The following FAT2 variants were observed in gnomAD, a reference collection of about 807,000 sequenced individuals.
FAT2 encodes the protein FAT atypical cadherin 2.
FAT2 carries 150 observed loss-of-function variants against 295.3 expected under a neutral mutation model. The observed-to-expected ratio is 0.51, with a 90% CI of 0.44 to 0.58. The LOEUF is 0.58. FAT2 is among the 20% of genes least tolerant of loss of function. FAT2 has a pLI of 0.00. For synonymous variants in FAT2, 2,026 were observed against 2,150.3 expected (o/e 0.94, Z 1.60); for missense variants, 4,868 against 5,442.7 (o/e 0.89, Z 3.32).
At chr5:151,562,619 G>T (rs553788371) in intron 3 of FAT2, among the ~76,000 whole-genome samples, 1 of 152,172 alleles carries the variant, frequency 6.6e-6, no homozygotes, top group Non-Finnish European at 1.5e-5. Flanking sequence ...AATGTGGCCA[G>T]ATCCTTCCAT....
rs1756235640 is a variant in FAT2 at position 151,542,366 on chromosome 5, G to A, written c.8761C>T (p.Pro2921Ser). ...TTTAGAGTCGCCACCAGTTCGCCAG[G>A]CTCACTGTTCTCAACCACAGATCCT... ...YRGSVVENSE[P>S]GELVATLKTL... Residue 2921 changes from proline to serine, a missense_variant, in exon 10 of 24, where the codon CCT becomes TCT. Pro to Ser is a moderately conservative substitution (Grantham distance 74, BLOSUM62 -1). Coordinates refer to ENST00000261800, the MANE Select transcript of FAT2 (RefSeq NM_001447.3). 2 of 1,614,002 alleles carry A rather than the reference G, an allele frequency of 1.2e-6. No homozygotes were observed. Among genetic ancestry groups the A allele is most frequent in the Admixed American group, 1.7e-5 (1 of 60,008 alleles).
intron 1 of FAT2, among the ~76,000 whole-genome samples, chr5:151,581,943 G>GGCCCA (rs1242618013): frequency 6.6e-6 from 1 of 152,124 alleles, no homozygotes; most frequent in Non-Finnish European, 1.5e-5. Context: ...CCTCTAGCCT[G>GGCCCA]GCCCAGCCCA....
Position 151,512,245 on chromosome 5 carries a change from G to A in FAT2, c.11825C>T (p.Thr3942Ile). 1.2e-6 allele frequency: 2 copies of A among 1,614,206 alleles called. No homozygotes were observed. Among genetic ancestry groups the A allele is most frequent in the Non-Finnish European group, 1.7e-6 (2 of 1,180,044 alleles). The change falls in exon 21 of 24, where the codon ACC becomes ATC. Residue 3942 changes from threonine (T) to isoleucine (I), a missense_variant. Transcript: ENST00000261800. This position sits in a 1 kb window ranked among gnomAD's most constrained non-coding sequence, Gnocchi z 4.1. ...VAGLLETQAL[T>I]QCCLHSDYCS... Reference sequence around the variant, plus strand: ...GTAGTCACTGTGGAGGCAGCACTGGGTGAGGGCTTGTGTCTCCAGCAAGCC... The same window carrying A: ...GTAGTCACTGTGGAGGCAGCACTGGATGAGGGCTTGTGTCTCCAGCAAGCC...
chr5:151,527,579 G>T (rs1471312246), intron 16 of FAT2, among the ~76,000 whole-genome samples: 1 of 152,074 alleles, frequency 6.6e-6, no homozygotes. Flanking sequence ...ATCATTTGCT[G>T]GCAATGAGAC....
chr5:151,538,122 G>A (rs953117447), intron 11 of FAT2, among the ~76,000 whole-genome samples, 176 bp from the exon 12 acceptor site: 3 of 152,104 alleles, frequency 2.0e-5, no homozygotes, highest in Non-Finnish European at 2.9e-5. Context: ...AGCAGAGAGA[G>A]GGAGGGAGGG....
intron 3 of FAT2, among the ~76,000 whole-genome samples, chr5:151,560,540 C>T (rs1757973391): frequency 6.6e-6 from 1 of 152,228 alleles, no homozygotes; most frequent in African/African-American, 2.4e-5. Flanking sequence ...CCCTCCAGCT[C>T]AGCATAACCA....
chr5:151,544,134 C>T lies in FAT2; in HGVS notation c.6993G>A (p.Met2331Ile), dbSNP rs769140992. The change falls in exon 10 of 24, where the codon ATG becomes ATA. Residue 2331 changes from methionine to isoleucine, a missense_variant. Met to Ile is a conservative substitution (Grantham distance 10). Transcript: ENST00000261800. ...FFQINGSTGEMSTVQELDYEA... is the reference protein window; with the variant it reads ...FFQINGSTGEISTVQELDYEA... ...CATAATCCAGTTCTTGAACTGTGGA[C>T]ATCTCCCCTGTGCTCCCATTGATCT... The T allele has an allele frequency of 2.3e-5, 37 of 1,614,216 alleles. No homozygotes were observed. The highest frequency in any genetic ancestry group is 2.9e-5 in the Non-Finnish European group (34 of 1,180,040).
Position 151,567,064 on chromosome 5 carries a change from C to T in FAT2, c.1868G>A (p.Arg623His), listed in dbSNP as rs1758306727. The T allele has an allele frequency of 1.9e-6, 3 of 1,613,828 alleles. No homozygotes were observed. Among genetic ancestry groups the T allele is most frequent in the Non-Finnish European group, 2.5e-6 (3 of 1,179,872 alleles). The change falls in exon 2 of 24, where the codon CGC becomes CAC. Residue 623 changes from arginine (R) to histidine (H), a missense_variant. Transcript: ENST00000261800. Reference protein sequence around the residue: ...NHFSGVISLKRPFINLTAGQP... With the variant: ...NHFSGVISLKHPFINLTAGQP... ...ACCAGCAGTAAGATTGATAAAAGGG[C>T]GTTTGAGGGATATCACTCCGGAGAA... is the stretch of plus-strand genomic sequence containing the variant.
intron 20 of FAT2, among the ~76,000 whole-genome samples, 166 bp downstream of exon 20, chr5:151,517,454 C>G (rs866482150): frequency 3.3e-5 from 5 of 152,178 alleles, no homozygotes; most frequent in African/African-American, 1.2e-4. Context: ...CTGTGGCCAT[C>G]CAGGACAGGA....
intron 1 of FAT2, among the ~76,000 whole-genome samples, chr5:151,583,290 C>A (rs1368994806): frequency 1.3e-5 from 2 of 152,178 alleles, no homozygotes; most frequent in Non-Finnish European, 2.9e-5. Context: ...AAATTGGAAA[C>A]AAACCAAATG....
In FAT2 at chr5:151,568,544, C is replaced by T. The variant is rs2127650277; in HGVS notation, c.388G>A (p.Ala130Thr). The T allele has an allele frequency of 6.2e-7, 1 of 1,614,154 alleles. No homozygotes were observed. Among genetic ancestry groups the T allele is most frequent in the Non-Finnish European group, 8.5e-7 (1 of 1,180,032 alleles). Residue 130 changes from alanine (A) to threonine (T), a missense_variant, in exon 2 of 24, where the codon GCT becomes ACT. Ala to Thr is a moderately conservative substitution (Grantham distance 58, BLOSUM62 0). This residue lies in a region of FAT2 where 3,297 missense variants were observed against 3,669.4 expected (regional missense o/e 0.90). Coordinates refer to ENST00000261800, the MANE Select transcript of FAT2 (RefSeq NM_001447.3). ...QATEKTLELE[A>T]LTRVVVHILD... Reference sequence around the variant, plus strand: ...ATGTGGACCACCACACGGGTCAAAGCTTCCAACTCCAAGGTCTTCTCTGTG... The same window carrying T: ...ATGTGGACCACCACACGGGTCAAAGTTTCCAACTCCAAGGTCTTCTCTGTG...
At chr5:151,528,434 T>C (rs1754249599) in intron 15 of FAT2, among the ~76,000 whole-genome samples, 3 of 152,206 alleles carry the variant, frequency 2.0e-5, no homozygotes, top group Admixed American at 2.0e-4. Context: ...ATTTTATGGG[T>C]AATTCTAATT....
chr5:151,541,554 A>G (rs542777731), intron 10 of FAT2, among the ~76,000 whole-genome samples: 8 of 152,282 alleles, frequency 5.3e-5, no homozygotes, highest in African/African-American at 1.9e-4. Context: ...AGCCATGTTC[A>G]TGGGAATGGG....
chr5:151,531,276 G>T lies in FAT2; in HGVS notation c.9811+311C>A, dbSNP rs1397460454. Among the ~76,000 whole-genome samples, 3 of 152,188 alleles carry T rather than the reference G, an allele frequency of 2.0e-5. No individual in the cohort carries two copies. Among genetic ancestry groups the T allele is most frequent in the Admixed American group, 2.0e-4 (3 of 15,288 alleles). ...CAGCCAAGCCGTTTCTGCCTCCTGC[G>T]CTGGGCCTGAGCTGAGACCATGAAG... On this transcript the variant is annotated intron_variant, in intron 14 of 23. Coordinates refer to ENST00000261800, the MANE Select transcript of FAT2 (RefSeq NM_001447.3). This position sits in a 1 kb window ranked among gnomAD's most constrained non-coding sequence, Gnocchi z 5.7.
Position 151,559,893 on chromosome 5 carries a change from G to A in FAT2, c.3574+3432C>T, listed in dbSNP as rs576096232. On this transcript the variant is annotated intron_variant, in intron 3 of 23. Transcript: ENST00000261800. The stretch of plus-strand genomic sequence containing the variant: ...GACATAGCAGAACCACCTCCATAGG[G>A]CTGTGTGCATGTTCACTAAGGTGCA... Among the ~76,000 whole-genome samples, 57 of 152,256 alleles carry A rather than the reference G, an allele frequency of 3.7e-4. 1 individual carries two copies. The highest frequency in any genetic ancestry group is 5.6e-4 in the Non-Finnish European group (38 of 68,020).
chr5:151,521,644 T>C lies in FAT2; in HGVS notation c.10949A>G (p.Asn3650Ser). ...CTTATGGCTGAGGAACCTCTGCAGG[T>C]TCCGCCAGTGGTCACTCACCAGCTC... The part of the protein sequence containing the change: ...PEELVSDHWR[N>S]LQRFLSHKLD... Residue 3650 changes from asparagine (N) to serine (S), a missense_variant, in exon 19 of 24, where the codon AAC becomes AGC. Asn to Ser is a conservative substitution (Grantham distance 46). This residue lies in a region of FAT2 where 1,046 missense variants were observed against 1,210.1 expected (regional missense o/e 0.86). Coordinates refer to ENST00000261800, the MANE Select transcript of FAT2 (RefSeq NM_001447.3). The C allele has an allele frequency of 2.5e-6, 4 of 1,614,062 alleles. No individual in the cohort carries two copies. Among genetic ancestry groups the C allele is most frequent in the Non-Finnish European group, 3.4e-6 (4 of 1,180,018 alleles).
At chr5:151,582,878 C>T (rs1359134775) in intron 1 of FAT2, among the ~76,000 whole-genome samples, 1 of 152,124 alleles carries the variant, frequency 6.6e-6, no homozygotes, top group African/African-American at 2.4e-5. Context: ...CACTGGCCCT[C>T]AAGCAAAGTG....
At position 151,549,372 on chromosome 5, in the gene FAT2, C is replaced by CCG; in HGVS notation, c.4710_4711dup (p.Gly1571AlafsTer26). The CCG allele has an allele frequency of 6.2e-7, 1 of 1,614,036 alleles. No individual in the cohort carries two copies. Among genetic ancestry groups the CCG allele is most frequent in the Non-Finnish European group, 8.5e-7 (1 of 1,180,028 alleles). On this transcript the variant is annotated frameshift_variant, in exon 9 of 24. Coordinates refer to ENST00000261800, the MANE Select transcript of FAT2 (RefSeq NM_001447.3). LOFTEE classifies it high-confidence loss of function. The stretch of plus-strand genomic sequence containing the variant: ...GGCTCGGACCTGCAGCAGCTCTGTG[C>CCG]CGGGGGCTATGGTGTCAGGAACACT...
intron 18 of FAT2, among the ~76,000 whole-genome samples, chr5:151,522,961 G>A (rs1230489397): frequency 2.6e-5 from 4 of 152,138 alleles, no homozygotes; most frequent in Non-Finnish European, 5.9e-5. Flanking sequence ...AATCATAAAC[G>A]CATTTTCCTT....
Sources: allele counts gnomAD v4.1 joint callset (sites outside exome capture counted in the v4.1 genomes callset), GRCh38; gene constraint gnomAD v4.1.1; regional missense constraint gnomAD v4.1.1; non-coding constraint Gnocchi (gnomAD v3.1); transcripts MANE v1.5; gene names NCBI Gene and HGNC (gene_info 2026-07-23, HGNC 2026-07-21).